The following GPAT4 variants were observed in gnomAD, a reference collection of about 807,000 sequenced individuals.
GPAT4 encodes the protein glycerol-3-phosphate acyltransferase 4.
GPAT4 carries 17 observed loss-of-function variants against 58.0 expected under a neutral mutation model. The observed-to-expected ratio is 0.29, with a 90% confidence interval of 0.20 to 0.44. GPAT4 has a LOEUF of 0.44. Among genes scored for constraint, GPAT4 ranks in the 20% least tolerant of loss-of-function variants. The pLI is 1.00. For synonymous variants in GPAT4, 204 were observed against 210.1 expected (o/e 0.97, Z 0.25); for missense variants, 377 against 574.5 (o/e 0.66, Z 3.51).
At chr8:41,610,891 C>T (rs1203638737) in intron 5 of GPAT4, 81 bp downstream of exon 5, 2 of 1,400,788 alleles carry the variant, frequency 1.4e-6, no homozygotes, top group Admixed American at 2.3e-5. Context: ...AAGGACACTT[C>T]TTTGGACACA....
chr8:41,602,093 G>C (rs1012241440), intron 2 of GPAT4, among the ~76,000 whole-genome samples: 2 of 152,168 alleles, frequency 1.3e-5, no homozygotes, highest in Non-Finnish European at 2.9e-5. Flanking sequence ...TAGCTGGGAT[G>C]ACAGGCGCGT....
chr8:41,614,885 A>G (rs1404280921), intron 9 of GPAT4, 78 bp from the exon 10 acceptor site: 1 of 1,190,888 alleles, frequency 8.4e-7, no homozygotes, highest in African/African-American at 1.5e-5. Context: ...TGACTATTAT[A>G]CTTAGTCTTT....
At chr8:41,594,676 G>T (rs1231812984) in intron 1 of GPAT4, among the ~76,000 whole-genome samples, 1 of 151,516 alleles carries the variant, frequency 6.6e-6, no homozygotes, top group Non-Finnish European at 1.5e-5. Flanking sequence ...CTCCCAAGTA[G>T]CTGGGACTAC....
chr8:41,620,078 C>T lies in GPAT4; in HGVS notation c.1263-815C>T, dbSNP rs1361284040. On this transcript the variant is annotated intron_variant, in intron 12 of 12. Coordinates refer to ENST00000396987, the MANE Select transcript of GPAT4 (RefSeq NM_178819.4). ...TTAGAGCTTGAAGGTTTAACTTCTG[C>T]CCCATGTTCCCATCTCTGAAGTTTA... Among the ~76,000 whole-genome samples the T allele has an allele frequency of 2.6e-5, 4 of 152,312 alleles. No homozygotes were observed. The East Asian group carries it at 7.7e-4, about 29-fold the overall frequency.
At chr8:41,588,100 AC>A (rs1802701283) in intron 1 of GPAT4, among the ~76,000 whole-genome samples, 1 of 152,200 alleles carries the variant, frequency 6.6e-6, no homozygotes, top group Admixed American at 6.5e-5. Context: ...GAAGTTTGGT[AC>A]CTAGGACTGA....
At chr8:41,594,905 T>C (rs957638947) in intron 1 of GPAT4, among the ~76,000 whole-genome samples, 3 of 151,854 alleles carry the variant, frequency 2.0e-5, no homozygotes, top group African/African-American at 7.2e-5. Context: ...CCATATAGCT[T>C]TTTTTTTACA....
chr8:41,616,417 T>C (rs966100420), intron 10 of GPAT4, among the ~76,000 whole-genome samples: 1 of 152,206 alleles, frequency 6.6e-6, no homozygotes, highest in Admixed American at 6.5e-5. Flanking sequence ...TGTCTCAGCC[T>C]CCCAAGTAGC....
At chr8:41,578,662 TC>T (rs1802429424) in intron 1 of GPAT4, 1 of 152,316 alleles carries the variant, frequency 6.6e-6, no homozygotes, top group East Asian at 1.9e-4. Context: ...GGAAGCGCCT[TC>T]CCCTGTCATT....
chr8:41,620,314 C>CAGGG (rs3055557), intron 12 of GPAT4, among the ~76,000 whole-genome samples: 35,438 of 151,966 alleles, frequency 0.23, 4,160 homozygotes, highest in East Asian at 0.3. Flanking sequence ...GGGGCTGCTG[C>CAGGG]AGGGAGGCAC....
At position 41,593,908 on chromosome 8, in the gene GPAT4, A is replaced by G. The variant is rs180721917; in HGVS notation, c.-848-4384A>G. On this transcript the variant is annotated intron_variant, in intron 1 of 12. Transcript: ENST00000396987. ...TACTGAGAAATTTCCTTTAGCACCT[A>G]TTTTTATTAGTTTTTAGAACAAAGA... Among the ~76,000 whole-genome samples the G allele has an allele frequency of 5.9e-5, 9 of 152,300 alleles. No homozygotes were observed. In the East Asian group the frequency reaches 1.2e-3, roughly 20 times the overall value.
intron 2 of GPAT4, among the ~76,000 whole-genome samples, chr8:41,606,931 T>G (rs752242473): frequency 6.6e-6 from 1 of 152,254 alleles, no homozygotes; most frequent in Non-Finnish European, 1.5e-5. Context: ...ATCTGTTGTT[T>G]ACTTCACGTT....
At chr8:41,618,521 A>G (rs927309765) in intron 10 of GPAT4, 163 bp from the exon 11 acceptor site, 2 of 868,218 alleles carry the variant, frequency 2.3e-6, no homozygotes, top group East Asian at 4.9e-5. Flanking sequence ...TCACAGTCAG[A>G]ACCGGCCACA....
intron 2 of GPAT4, among the ~76,000 whole-genome samples, chr8:41,607,233 C>T (rs1286007374): frequency 1.3e-5 from 2 of 152,114 alleles, no homozygotes; most frequent in Admixed American, 1.3e-4. Flanking sequence ...CTCCTCTTTT[C>T]CCCTGCCCTT....
intron 5 of GPAT4, 148 bp from the exon 6 acceptor site, chr8:41,611,755 C>A (rs1469177131): frequency 1.6e-6 from 1 of 638,312 alleles, no homozygotes. Context: ...CATAAAGGTG[C>A]TCATGCATCA....
At chr8:41,586,261 A>G (rs949284881) in intron 1 of GPAT4, among the ~76,000 whole-genome samples, 1 of 152,112 alleles carries the variant, frequency 6.6e-6, no homozygotes, top group Admixed American at 6.5e-5. Context: ...CTTCATTTTT[A>G]TGGCCAAAGG....
chr8:41,610,600 T>C, intron 4 of GPAT4, 136 bp from the exon 5 acceptor site: 1 of 1,534,846 alleles, frequency 6.5e-7, no homozygotes. Flanking sequence ...CATTTCTAGG[T>C]GAACTCTGGT....
chr8:41,599,053 C>T lies in GPAT4; in HGVS notation c.-87C>T. The T allele has an allele frequency of 2.7e-6, 4 of 1,505,512 alleles. No homozygotes were observed. Among genetic ancestry groups the T allele is most frequent in the Non-Finnish European group, 3.6e-6 (4 of 1,125,128 alleles). The allele number at this position is 1,505,512 out of a possible 1,614,324, so 93.3% of individuals were successfully genotyped here. On this transcript the variant is annotated 5_prime_UTR_variant, in exon 2 of 13. Coordinates refer to ENST00000396987, the MANE Select transcript of GPAT4 (RefSeq NM_178819.4). ...GTTCTTCGGGAACTTGCTTCCTTTC[C>T]CTGGCTGGTGCTGTCAGGAAGGACC...
Position 41,599,029 on chromosome 8 carries a change from T to C in GPAT4, c.-111T>C. ...GTGGACTTTGGAATGGGGTTTGCTG[T>C]TCTTCGGGAACTTGCTTCCTTTCCC... On this transcript the variant is annotated 5_prime_UTR_variant, in exon 2 of 13. Transcript: ENST00000396987. 2.1e-6 allele frequency: 3 copies of C among 1,409,390 alleles called. No individual in the cohort carries two copies. The highest frequency in any genetic ancestry group is 2.9e-6 in the Non-Finnish European group (3 of 1,041,164). 87.3% of individuals were successfully genotyped at this position (1,409,390 alleles called of 1,614,324 possible). A position where few individuals can be genotyped will look rare whatever the true frequency, so the allele number is the denominator to read the frequency against.
chr8:41,615,453 G>C (rs1018920263), intron 10 of GPAT4, among the ~76,000 whole-genome samples: 16 of 135,970 alleles, frequency 1.2e-4, no homozygotes, highest in African/African-American at 3.9e-4. Context: ...ATGAGGATTG[G>C]GGGGGGGGTC....
Sources: gnomAD v4.1 joint callset for allele counts (sites outside exome capture counted in the v4.1 genomes callset) on GRCh38, gnomAD v4.1.1 for gene constraint, MANE v1.5 for transcripts, NCBI Gene and HGNC (gene_info 2026-07-23, HGNC 2026-07-21) for gene names.